PAH: variants seen among roughly 807,000 people sequenced by gnomAD.
The protein encoded by PAH is phenylalanine hydroxylase.
Under a neutral mutation model 62.0 loss-of-function variants are expected in PAH, and 64 were observed. The observed-to-expected ratio is 1.03, with a 90% CI of 0.84 to 1.27. The LOEUF is 1.27. Ranked by LOEUF, PAH falls within the 50% of genes most tolerant of loss-of-function variation. The pLI, the probability that PAH is intolerant of heterozygous loss-of-function variation, is 0.00. For missense variants in PAH, 579 were observed against 542.8 expected, an observed-to-expected ratio of 1.07 and a Z score of -0.66; for synonymous variants, 195 against 196.2, an observed-to-expected ratio of 0.99 and a Z score of 0.05.
Position 102,855,269 on chromosome 12 carries a change from G to C in PAH, c.573C>G (p.Phe191Leu). ...TTTTATACAAGGACTTCAGAGTCTT[G>C]AACACTGTGCCCCATGTTTTCTTTT... ...EEEKKTWGTV[F>L]KTLKSLYKTH... Residue 191 changes from phenylalanine (F) to leucine (L), a missense_variant, in exon 6 of 13, where the codon TTC (phenylalanine) becomes TTG (leucine). Transcript: ENST00000553106. 1 of 1,614,080 alleles carries C rather than the reference G, an allele frequency of 6.2e-7. No individual in the cohort carries two copies. The highest frequency in any genetic ancestry group is 8.5e-7 in the Non-Finnish European group (1 of 1,179,958).
chr12:102,893,470 G>A (rs2136699918), intron 3 of PAH, among the ~76,000 whole-genome samples: 1 of 152,134 alleles, frequency 6.6e-6, no homozygotes. Context: ...GAATATGCTT[G>A]AGGCCCTAAA....
At chr12:102,956,443 C>T (rs111834999) in intron 1 of PAH, among the ~76,000 whole-genome samples, 27 of 152,170 alleles carry the variant, frequency 1.8e-4, no homozygotes, top group Non-Finnish European at 3.4e-4. Context: ...AAGCGCCTCC[C>T]CCTCCCTCTC....
intron 2 of PAH, among the ~76,000 whole-genome samples, chr12:102,903,782 C>T (rs1021690481): frequency 7.2e-5 from 11 of 152,090 alleles, no homozygotes; most frequent in African/African-American, 2.4e-4. Flanking sequence ...TGAACCTACC[C>T]ACATACGTCA....
intron 4 of PAH, among the ~76,000 whole-genome samples, chr12:102,870,096 G>A (rs1387407025): frequency 1.3e-5 from 2 of 152,184 alleles, no homozygotes; most frequent in African/African-American, 4.8e-5. Context: ...CAGGATGCAA[G>A]TCATGACATC....
intron 5 of PAH, among the ~76,000 whole-genome samples, chr12:102,863,406 C>G (rs1875816055): frequency 6.6e-6 from 1 of 152,136 alleles, no homozygotes; most frequent in African/African-American, 2.4e-5. Flanking sequence ...AAGCACCTTT[C>G]TCCCCTCTCA....
At chr12:102,922,586 T>G (rs1878583939) in intron 1 of PAH, among the ~76,000 whole-genome samples, 1 of 152,240 alleles carries the variant, frequency 6.6e-6, no homozygotes, top group African/African-American at 2.4e-5. Context: ...TTGTAATGGC[T>G]CCATTGTATT....
At chr12:102,886,681 T>A (rs1877055614) in intron 3 of PAH, among the ~76,000 whole-genome samples, 1 of 152,140 alleles carries the variant, frequency 6.6e-6, no homozygotes, top group Non-Finnish European at 1.5e-5. Flanking sequence ...CTTCTTCTCA[T>A]CAACTGACCC....
intron 2 of PAH, among the ~76,000 whole-genome samples, chr12:102,905,203 C>T (rs1877928520): frequency 6.6e-6 from 1 of 152,166 alleles, no homozygotes; most frequent in South Asian, 2.1e-4. Context: ...ATTCCTCCTA[C>T]TCTTTATGTC....
intron 1 of PAH, among the ~76,000 whole-genome samples, chr12:102,956,875 C>T (rs1207302976): frequency 1.3e-5 from 2 of 152,068 alleles, no homozygotes; most frequent in Non-Finnish European, 2.9e-5. Flanking sequence ...ATGGGGAGCA[C>T]ATCCTAGTTT....
At chr12:102,899,639 C>A (rs1284151251) in intron 2 of PAH, among the ~76,000 whole-genome samples, 1 of 151,240 alleles carries the variant, frequency 6.6e-6, no homozygotes, top group Non-Finnish European at 1.5e-5. Flanking sequence ...GCGGGCGGAT[C>A]ACGAGGTCAG....
rs1876044198 is a variant in PAH, at chr12:102,867,818, T to C, written c.442-1155A>G. 2.2e-5 allele frequency among the ~76,000 whole-genome samples: 3 copies of C among 138,262 alleles called. No individual in the cohort carries two copies. In the South Asian group the frequency reaches 6.9e-4, roughly 32 times the overall value. The allele number at this position is 138,262 out of a possible 152,430, so 90.7% of individuals were successfully genotyped here. ...TGGGAGAGTTTTCTCTCTCTCTCTT[T>C]CTCTCTCTCTCTCTCTCCCCCTCTC... On this transcript the variant is annotated intron_variant, in intron 4 of 12. Transcript: ENST00000553106.
At chr12:102,956,324 T>A (rs1879909993) in intron 1 of PAH, among the ~76,000 whole-genome samples, 2 of 152,190 alleles carry the variant, frequency 1.3e-5, no homozygotes, top group South Asian at 2.1e-4. Context: ...CAGCGCCGCG[T>A]CCCCAGACGT....
intron 6 of PAH, 99 bp from the exon 7 acceptor site, chr12:102,853,049 G>A (rs1236836161): frequency 1.5e-6 from 2 of 1,316,142 alleles, no homozygotes; most frequent in Admixed American, 3.9e-5. Flanking sequence ...TAACTGCCCA[G>A]GGACATAGGC....
intron 1 of PAH, among the ~76,000 whole-genome samples, chr12:102,941,629 C>A (rs866441767): frequency 6.6e-6 from 1 of 152,076 alleles, no homozygotes; most frequent in African/African-American, 2.4e-5. Context: ...TATATATGCA[C>A]CCCACACTGG....
intron 11 of PAH, among the ~76,000 whole-genome samples, chr12:102,840,736 C>T (rs1328486039): frequency 2.0e-5 from 3 of 152,098 alleles, no homozygotes; most frequent in South Asian, 4.1e-4. Flanking sequence ...CATATATACA[C>T]ATGTTTATTT....
intron 1 of PAH, among the ~76,000 whole-genome samples, chr12:102,927,843 C>T (rs1180925522): frequency 6.6e-6 from 1 of 152,008 alleles, no homozygotes; most frequent in African/African-American, 2.4e-5. Context: ...TAGAAAGAGG[C>T]AGTGTTTTGT....
intron 1 of PAH, among the ~76,000 whole-genome samples, chr12:102,940,960 A>G (rs2136762012): frequency 6.6e-6 from 1 of 152,320 alleles, no homozygotes; most frequent in East Asian, 1.9e-4. Context: ...CCCTATCAGG[A>G]TAACAGCTGA....
At chr12:102,904,142 A>G (rs1279190494) in intron 2 of PAH, among the ~76,000 whole-genome samples, 2 of 152,172 alleles carry the variant, frequency 1.3e-5, no homozygotes, top group Admixed American at 6.5e-5. Context: ...TAGAACTTCT[A>G]CTTCTTATCT....
At chr12:102,876,627 G>A (rs935720880) in intron 4 of PAH, among the ~76,000 whole-genome samples, 2 of 152,190 alleles carry the variant, frequency 1.3e-5, no homozygotes, top group African/African-American at 4.8e-5. Context: ...GGAGTCATTT[G>A]CCTGGCAGAG....
Sources: gnomAD v4.1 joint callset for allele counts (sites outside exome capture counted in the v4.1 genomes callset) on GRCh38, gnomAD v4.1.1 for gene constraint, MANE v1.5 for transcripts, NCBI Gene and HGNC (gene_info 2026-07-23, HGNC 2026-07-21) for gene names.